Variants in RYR2 observed in about 807,000 individuals in gnomAD.
RYR2 encodes the protein cardiac muscle ryanodine receptor-calcium release channel.
In RYR2, 227 loss-of-function variants were observed where a neutral mutation model predicts 601.1. The ratio of observed to expected loss-of-function variants is 0.38; its 90% CI spans 0.34 to 0.42. The LOEUF is 0.42. Ranked by LOEUF, RYR2 falls within the 10% of genes least tolerant of loss-of-function variation. The pLI is 1.00. For missense variants in RYR2, 4,646 were observed against 6,156.5 expected (o/e 0.75, Z 8.21); for synonymous variants, 2,223 against 2,175.1 (o/e 1.02, Z -0.61).
At chr1:237,794,300 T>G (rs1645923736) in intron 95 of RYR2, among the ~76,000 whole-genome samples, 1 of 148,790 alleles carries the variant, frequency 6.7e-6, no homozygotes, top group African/African-American at 2.5e-5. Flanking sequence ...GTGCATGACC[T>G]GCAGGCAGGG....
intron 101 of RYR2, among the ~76,000 whole-genome samples, chr1:237,826,478 G>T (rs994640149): frequency 6.6e-6 from 1 of 151,842 alleles, no homozygotes; most frequent in Non-Finnish European, 1.5e-5. Flanking sequence ...TAACACATTG[G>T]GGGGCATCAC....
At chr1:237,465,596 G>C (rs931046639) in intron 16 of RYR2, among the ~76,000 whole-genome samples, 1 of 152,086 alleles carries the variant, frequency 6.6e-6, no homozygotes, top group Non-Finnish European at 1.5e-5. Context: ...GCACAGCTAC[G>C]CTATAGGGGA....
chr1:237,063,758 G>A (rs1237135755), intron 1 of RYR2, among the ~76,000 whole-genome samples: 1 of 152,154 alleles, frequency 6.6e-6, no homozygotes, highest in Non-Finnish European at 1.5e-5. Flanking sequence ...GCTGTCTGAA[G>A]AAGTACCTTA....
intron 101 of RYR2, among the ~76,000 whole-genome samples, chr1:237,827,013 T>C (rs2102908506): frequency 6.6e-6 from 1 of 152,304 alleles, no homozygotes; most frequent in East Asian, 1.9e-4. Flanking sequence ...AGAAAAGTCA[T>C]GTTATCTTTT....
At chr1:237,683,285 T>C (rs1235520077) in intron 62 of RYR2, among the ~76,000 whole-genome samples, 1 of 152,178 alleles carries the variant, frequency 6.6e-6, no homozygotes, top group Non-Finnish European at 1.5e-5. Context: ...AATGTTTCCA[T>C]GAGATGTTTA....
At chr1:237,482,001 A>G (rs1662165291) in intron 17 of RYR2, among the ~76,000 whole-genome samples, 1 of 152,030 alleles carries the variant, frequency 6.6e-6, no homozygotes. Flanking sequence ...GCTTTGTTTT[A>G]GCATTTATTA....
chr1:237,047,972 G>A (rs924629922), intron 1 of RYR2, among the ~76,000 whole-genome samples: 2 of 152,152 alleles, frequency 1.3e-5, no homozygotes, highest in African/African-American at 2.4e-5. Context: ...TTCCCAAAGC[G>A]ACTCTTTTTT....
rs549297704 is a variant in RYR2, at chr1:237,503,737, G to A, written c.2613+232G>A. Among the ~76,000 whole-genome samples the A allele has an allele frequency of 1.6e-3, 238 of 152,022 alleles. 2 individuals are homozygous for A. Among genetic ancestry groups the A allele is most frequent in the African/African-American group, 5.4e-3 (224 of 41,466 alleles). On this transcript the variant is annotated intron_variant, in intron 22 of 104. Coordinates refer to ENST00000366574, the MANE Select transcript of RYR2 (RefSeq NM_001035.3). ...TTGTCGTTGTTGTTGTGATGGAGTC[G>A]TGCTCTGTTGTCCAGGCTGGAGTGC...
At chr1:237,524,905 A>G (rs1667423406) in intron 24 of RYR2, among the ~76,000 whole-genome samples, 1 of 152,114 alleles carries the variant, frequency 6.6e-6, no homozygotes, top group South Asian at 2.1e-4. Flanking sequence ...AAAGTGCACT[A>G]TACTTTTTTA....
At chr1:237,334,043 T>C (rs939688706) in intron 3 of RYR2, among the ~76,000 whole-genome samples, 5 of 152,202 alleles carry the variant, frequency 3.3e-5, no homozygotes, top group Non-Finnish European at 5.9e-5. Flanking sequence ...TTATACTATT[T>C]CATGTCCAAA....
chr1:237,495,347 C>A (rs1217276190), intron 19 of RYR2, among the ~76,000 whole-genome samples: 2 of 152,140 alleles, frequency 1.3e-5, no homozygotes, highest in East Asian at 1.9e-4. Context: ...GTACTTCCAA[C>A]CACACTGTGC....
At chr1:237,786,717 A>G (rs1361864958) in intron 91 of RYR2, among the ~76,000 whole-genome samples, 2 of 152,210 alleles carry the variant, frequency 1.3e-5, no homozygotes, top group Non-Finnish European at 2.9e-5. Context: ...CGTTTATAGA[A>G]TTTTATACGC....
intron 1 of RYR2, among the ~76,000 whole-genome samples, chr1:237,248,327 A>C (rs1361639523): frequency 7.6e-6 from 1 of 132,392 alleles, no homozygotes; most frequent in Non-Finnish European, 1.6e-5. Context: ...ATTTGAAAAA[A>C]AAATCCATTG....
chr1:237,350,777 T>G (rs1200647086), intron 3 of RYR2, among the ~76,000 whole-genome samples: 4 of 151,352 alleles, frequency 2.6e-5, no homozygotes, highest in Non-Finnish European at 5.9e-5. Flanking sequence ...GCTTTCAAGC[T>G]TATAAAAACA....
intron 1 of RYR2, among the ~76,000 whole-genome samples, chr1:237,122,127 T>C (rs977907787): frequency 6.6e-6 from 1 of 152,174 alleles, no homozygotes; most frequent in African/African-American, 2.4e-5. Context: ...GTTACTTAAA[T>C]GTTAGTTAGC....
chr1:237,384,314 C>T (rs1701799364), intron 8 of RYR2, among the ~76,000 whole-genome samples: 1 of 152,212 alleles, frequency 6.6e-6, no homozygotes, highest in Non-Finnish European at 1.5e-5. Context: ...CTGCTGTAAA[C>T]TCCTTATTAC....
chr1:237,640,464 G>A (rs1199453051), intron 46 of RYR2, among the ~76,000 whole-genome samples: 1 of 152,154 alleles, frequency 6.6e-6, no homozygotes, highest in African/African-American at 2.4e-5. Context: ...ACTTGCTCTG[G>A]GCAAGCACTG....
chr1:237,061,867 T>C (rs939260075), intron 1 of RYR2, among the ~76,000 whole-genome samples: 6 of 152,186 alleles, frequency 3.9e-5, no homozygotes, highest in Middle Eastern at 3.2e-3. Context: ...CTACAGCCTT[T>C]ACTATTTTAA....
chr1:237,404,568 C>T (rs929719931), intron 10 of RYR2, among the ~76,000 whole-genome samples: 23 of 152,126 alleles, frequency 1.5e-4, no homozygotes, highest in African/African-American at 5.6e-4. Context: ...GATGTGGCCT[C>T]GAGATTCTCA....
Sources: allele counts gnomAD v4.1 joint callset (sites outside exome capture counted in the v4.1 genomes callset), GRCh38; gene constraint gnomAD v4.1.1; transcripts MANE v1.5; gene names NCBI Gene and HGNC (gene_info 2026-07-23, HGNC 2026-07-21).